Variants in GSTA2 observed in about 807,000 individuals in gnomAD.
GSTA2 encodes the protein glutathione S-transferase alpha 2, also known as glutathione S-transferase A2.
GSTA2 carries 27 observed loss-of-function variants against 22.4 expected under a neutral mutation model. The ratio of observed to expected loss-of-function variants is 1.21; its 90% confidence interval spans 0.89 to 1.67. GSTA2 has a LOEUF of 1.67. Ranked by LOEUF, GSTA2 falls within the 40% of genes most tolerant of loss-of-function variation. The probability of loss-of-function intolerance (pLI) is 0.00; values close to 1 mark genes in which losing one functional copy is unlikely to be tolerated. For missense variants in GSTA2, 302 were observed against 260.2 expected, an observed-to-expected ratio of 1.16 and a Z score of -1.11; for synonymous variants, 121 against 86.8, an observed-to-expected ratio of 1.39 and a Z score of -2.19.
intron 4 of GSTA2, 45 bp from the exon 5 acceptor site, chr6:52,753,040 G>T (rs767333868): frequency 6.5e-7 from 1 of 1,540,244 alleles, no homozygotes; most frequent in Non-Finnish European, 8.8e-7. Context: ...TTTTGCCTTA[G>T]ATTTTATAGG....
chr6:52,750,879 A>C (rs1241066026), intron 6 of GSTA2, among the ~76,000 whole-genome samples, 180 bp from the exon 7 acceptor site: 1 of 152,220 alleles, frequency 6.6e-6, no homozygotes, highest in Non-Finnish European at 1.5e-5. Flanking sequence ...CATGTAGCTC[A>C]CTTTATTTTC....
intron 1 of GSTA2, among the ~76,000 whole-genome samples, chr6:52,760,550 A>G (rs1354212263): frequency 6.6e-5 from 10 of 152,156 alleles, no homozygotes; most frequent in African/African-American, 1.9e-4. Flanking sequence ...GGTACACTGA[A>G]TTTCAGAGAG....
At chr6:52,756,137 C>G (rs188540688) in intron 3 of GSTA2, 121 bp downstream of exon 3, 1 of 633,382 alleles carries the variant, frequency 1.6e-6, no homozygotes, top group Non-Finnish European at 2.9e-6. Context: ...TAACCACTTT[C>G]TCCCTCTGCA....
At chr6:52,762,045 C>T (rs1762960064) in intron 1 of GSTA2, among the ~76,000 whole-genome samples, 2 of 145,658 alleles carry the variant, frequency 1.4e-5, no homozygotes, top group Non-Finnish European at 2.9e-5. Flanking sequence ...GCTTTGTAAA[C>T]AAATGCCTGA....
chr6:52,751,253 A>G (rs764804842), intron 6 of GSTA2, among the ~76,000 whole-genome samples: 1 of 152,180 alleles, frequency 6.6e-6, no homozygotes, highest in Non-Finnish European at 1.5e-5. Flanking sequence ...GTGGGCACAT[A>G]TGGGATAAAG....
At chr6:52,760,516 C>T (rs1240990648) in intron 1 of GSTA2, among the ~76,000 whole-genome samples, 2 of 152,118 alleles carry the variant, frequency 1.3e-5, no homozygotes, top group Admixed American at 6.6e-5. Context: ...TGGGAAATGG[C>T]TCCTATTATC....
At chr6:52,756,911 C>T (rs1015509570) in intron 2 of GSTA2, among the ~76,000 whole-genome samples, 3 of 151,956 alleles carry the variant, frequency 2.0e-5, no homozygotes, top group African/African-American at 7.2e-5. Context: ...GGGTCCCACA[C>T]TAGCATTATT....
chr6:52,758,410 G>C (rs1479298795), intron 1 of GSTA2, among the ~76,000 whole-genome samples: 1 of 152,054 alleles, frequency 6.6e-6, no homozygotes, highest in Non-Finnish European at 1.5e-5. Flanking sequence ...TTAATGAAAT[G>C]GAACATCAGA....
intron 2 of GSTA2, among the ~76,000 whole-genome samples, chr6:52,756,626 G>A (rs1302458342): frequency 4.6e-5 from 7 of 152,194 alleles, no homozygotes; most frequent in Non-Finnish European, 1.0e-4. Context: ...TAGTTATGGT[G>A]TTGTCATATC....
chr6:52,751,761 C>T, intron 5 of GSTA2, 53 bp from the exon 6 acceptor site: 1 of 1,613,322 alleles, frequency 6.2e-7, no homozygotes, highest in Admixed American at 1.7e-5. Context: ...AGGCTGGGAC[C>T]CCTGCTTCTT....
intron 1 of GSTA2, among the ~76,000 whole-genome samples, chr6:52,761,536 GCTCT>G (rs956860104): frequency 3.3e-5 from 5 of 150,720 alleles, no homozygotes; most frequent in Non-Finnish European, 7.4e-5. Flanking sequence ...TCATATGATG[GCTCT>G]CTGTTTCTCT....
At chr6:52,755,341 A>G (rs1483279328) in intron 3 of GSTA2, among the ~76,000 whole-genome samples, 2 of 150,868 alleles carry the variant, frequency 1.3e-5, no homozygotes, top group African/African-American at 2.4e-5. Flanking sequence ...CAGCCTCTCT[A>G]TAGCTGAGAT....
At chr6:52,758,108 A>T in intron 1 of GSTA2, 131 bp from the exon 2 acceptor site, 1 of 595,390 alleles carries the variant, frequency 1.7e-6, no homozygotes. Context: ...GTGTTGGAGG[A>T]GTTCCCGGAA....
intron 5 of GSTA2, 41 bp from the exon 6 acceptor site, chr6:52,751,749 C>T: frequency 1.2e-6 from 2 of 1,613,848 alleles, no homozygotes; most frequent in Non-Finnish European, 1.7e-6. Context: ...ACATGCCCAC[C>T]CAGGCTGGGA....
chr6:52,753,453 C>T (rs1430105599), intron 4 of GSTA2, among the ~76,000 whole-genome samples: 2 of 152,162 alleles, frequency 1.3e-5, no homozygotes, highest in Non-Finnish European at 2.9e-5. Flanking sequence ...CCATCTCAGC[C>T]ATATTCCTTG....
chr6:52,760,243 C>T (rs2608627), intron 1 of GSTA2, among the ~76,000 whole-genome samples: 113,828 of 152,128 alleles, frequency 0.75, 43,946 homozygotes, highest in African/African-American at 0.94. Flanking sequence ...AGCCATTGAT[C>T]GAGGATCATG....
At chr6:52,751,376 C>T (rs141721994) in intron 6 of GSTA2, among the ~76,000 whole-genome samples, 119 of 152,284 alleles carry the variant, frequency 7.8e-4, no homozygotes, top group Non-Finnish European at 2.5e-4. Flanking sequence ...TGCGGGGTAG[C>T]ATGCACTACA....
chr6:52,751,661 G>C lies in GSTA2; in HGVS notation c.462C>G (p.Ser154Arg). The change falls in exon 6 of 7, where the codon AGC (serine) becomes AGG (arginine). Residue 154 changes from serine (S) to arginine (R), a missense_variant. Transcript: ENST00000493422. ...GTTCCACCAGGTGAATGTCAGCCCGGCTCAGCTTGTTGCCAACAAGGTAGT... is the reference window on the plus strand; with the variant it reads ...GTTCCACCAGGTGAATGTCAGCCCGCCTCAGCTTGTTGCCAACAAGGTAGT... ...GQDYLVGNKL[S>R]RADIHLVELL... 1 of 1,614,148 alleles carries C rather than the reference G, an allele frequency of 6.2e-7. No homozygotes were observed. Among genetic ancestry groups the C allele is most frequent in the Admixed American group, 1.7e-5 (1 of 60,030 alleles).
Position 52,759,563 on chromosome 6 carries a change from G to GTTTTTTTTTGT in GSTA2, c.-30-1587_-30-1586insACAAAAAAAAA, listed in dbSNP as rs1762913408. Among the ~76,000 whole-genome samples, 29 of 34,194 alleles carry GTTTTTTTTTGT rather than the reference G, an allele frequency of 8.5e-4. 10 individuals are homozygous for GTTTTTTTTTGT. Among genetic ancestry groups the GTTTTTTTTTGT allele is most frequent in the African/African-American group, 2.1e-3 (24 of 11,558 alleles). 22.4% of individuals were successfully genotyped at this position (34,194 alleles called of 152,430 possible). A position where few individuals can be genotyped will look rare whatever the true frequency, so the allele number is the denominator to read the frequency against. ...CCTTTAACAACTAATGTATTTATTT[G>GTTTTTTTTTGT]TTTTTTTTTTTTTTTTTTTTTTTTT... On this transcript the variant is annotated intron_variant, in intron 1 of 6. Coordinates refer to ENST00000493422, the MANE Select transcript of GSTA2 (RefSeq NM_000846.5).
Sources: allele counts gnomAD v4.1 joint callset (sites outside exome capture counted in the v4.1 genomes callset), GRCh38; gene constraint gnomAD v4.1.1; transcripts MANE v1.5; gene names NCBI Gene and HGNC (gene_info 2026-07-23, HGNC 2026-07-21).